CEP63: variants seen among roughly 807,000 people sequenced by gnomAD.
CEP63 encodes centrosomal protein 63.
Under a neutral mutation model 89.1 loss-of-function variants are expected in CEP63, and 84 were observed. The observed-to-expected ratio is 0.94, with a 90% CI of 0.79 to 1.13. The LOEUF (loss-of-function observed/expected upper bound fraction) is 1.13. Ranked by LOEUF, CEP63 falls within the 50% of genes most tolerant of loss-of-function variation. The pLI is 0.00. For missense variants in CEP63, 838 were observed against 813.3 expected, an observed-to-expected ratio of 1.03 and a Z score of -0.37; for synonymous variants, 267 against 272.5, an observed-to-expected ratio of 0.98 and a Z score of 0.20.
At chr3:134,715,561 G>T in the CEP63 span, among the ~76,000 whole-genome samples, 1 of 147,884 alleles carries the variant, frequency 6.8e-6, no homozygotes, top group South Asian at 2.1e-4. Flanking sequence ...TCTAGACTGG[G>T]TTGGGAGGCA....
At chr3:134,629,034 C>CGG in the CEP63 span, among the ~76,000 whole-genome samples, 1 of 152,016 alleles carries the variant, frequency 6.6e-6, no homozygotes, top group Non-Finnish European at 1.5e-5. Context: ...CCATAAGGTG[C>CGG]ACAGATGCAG....
At chr3:134,659,331 T>C in the CEP63 span, among the ~76,000 whole-genome samples, 1 of 152,350 alleles carries the variant, frequency 6.6e-6, no homozygotes, top group South Asian at 2.1e-4. Flanking sequence ...AGGTGTCCTC[T>C]GCAGGTGAGG....
the CEP63 span, among the ~76,000 whole-genome samples, chr3:134,645,217 G>A: frequency 6.6e-6 from 1 of 152,202 alleles, no homozygotes; most frequent in African/African-American, 2.4e-5. Flanking sequence ...CAAGCTATTG[G>A]GGTGGGGTAG....
At chr3:134,663,758 C>G in the CEP63 span, among the ~76,000 whole-genome samples, 1 of 152,208 alleles carries the variant, frequency 6.6e-6, no homozygotes, top group African/African-American at 2.4e-5. Context: ...TGCACCAGGC[C>G]TGAGTTACCT....
At chr3:134,689,189 T>C in the CEP63 span, among the ~76,000 whole-genome samples, 1 of 152,124 alleles carries the variant, frequency 6.6e-6, no homozygotes, top group Non-Finnish European at 1.5e-5. Flanking sequence ...AACACAGTGC[T>C]TTCTCTTCGG....
At chr3:134,663,697 C>T in the CEP63 span, among the ~76,000 whole-genome samples, 2 of 95,196 alleles carry the variant, frequency 2.1e-5, no homozygotes, top group South Asian at 5.1e-4. Context: ...CCCTGGCATG[C>T]GGGGCCCCAG....
chr3:134,609,695 G>A, the CEP63 span, among the ~76,000 whole-genome samples: 1 of 152,100 alleles, frequency 6.6e-6, no homozygotes, highest in East Asian at 1.9e-4. Context: ...CAGTGACCCT[G>A]CACCGCCAAT....
chr3:134,694,941 G>T, the CEP63 span, among the ~76,000 whole-genome samples: 1 of 152,224 alleles, frequency 6.6e-6, no homozygotes, highest in African/African-American at 2.4e-5. Flanking sequence ...GCATGTAAGG[G>T]TTTCCAGCAC....
the CEP63 span, among the ~76,000 whole-genome samples, chr3:134,722,792 A>G: frequency 1.3e-5 from 2 of 152,150 alleles, no homozygotes; most frequent in South Asian, 4.1e-4. Flanking sequence ...GCCTGTTGAT[A>G]CCAATTTGAA....
At chr3:134,537,946 CA>C (rs1577176010) in intron 6 of CEP63, among the ~76,000 whole-genome samples, 1 of 151,904 alleles carries the variant, frequency 6.6e-6, no homozygotes, top group Non-Finnish European at 1.5e-5. Context: ...TAAGCAAAAC[CA>C]AAAAACAGAC....
At chr3:134,499,526 TTTG>T (rs1363902558) in intron 2 of CEP63, among the ~76,000 whole-genome samples, 3 of 152,202 alleles carry the variant, frequency 2.0e-5, no homozygotes, top group Admixed American at 6.5e-5. Context: ...TGATCTGATC[TTTG>T]TTATTTTTTT....
Position 134,562,083 on chromosome 3 carries a change from A to T in CEP63, c.*548A>T. The stretch of plus-strand genomic sequence containing the variant: ...GAATAAGGGGGGGGTGTGCTAAAGA[A>T]CCTTATCAAGCAGTCCTCTCTTGCT... On this transcript the variant is annotated 3_prime_UTR_variant, in exon 15 of 15. Transcript: ENST00000675561. 1.0e-6 allele frequency: 1 copy of T among 993,774 alleles called. No homozygotes were observed. The highest frequency in any genetic ancestry group is 1.2e-6 in the Non-Finnish European group (1 of 835,080). 61.6% of individuals were successfully genotyped at this position (993,774 alleles called of 1,614,324 possible).
intron 3 of CEP63, among the ~76,000 whole-genome samples, chr3:134,530,737 A>G (rs1300070459): frequency 1.3e-5 from 2 of 152,072 alleles, no homozygotes; most frequent in Non-Finnish European, 2.9e-5. Flanking sequence ...CCATTCTTCC[A>G]GTTTGAACTT....
the CEP63 span, among the ~76,000 whole-genome samples, chr3:134,716,944 C>G: frequency 8.1e-4 from 123 of 152,294 alleles, no homozygotes; most frequent in African/African-American, 2.7e-3. Context: ...CACCACCTTC[C>G]AAAGGTGCTG....
chr3:134,779,817 T>C, the CEP63 span: 3 of 152,214 alleles, frequency 2.0e-5, no homozygotes, highest in African/African-American at 7.2e-5. Flanking sequence ...TGAAGGACCG[T>C]GAGGATCAAA....
At chr3:134,612,771 G>A in the CEP63 span, among the ~76,000 whole-genome samples, 1 of 150,540 alleles carries the variant, frequency 6.6e-6, no homozygotes, top group Non-Finnish European at 1.5e-5. Flanking sequence ...GTGTGTGTGT[G>A]TGTGTGTGTG....
chr3:134,782,336 T>C, the CEP63 span, among the ~76,000 whole-genome samples: 1 of 152,212 alleles, frequency 6.6e-6, no homozygotes, highest in East Asian at 1.9e-4. Context: ...GGGTAGATTT[T>C]TAATTACTGA....
At chr3:134,749,045 C>T in the CEP63 span, among the ~76,000 whole-genome samples, 1 of 152,122 alleles carries the variant, frequency 6.6e-6, no homozygotes, top group Non-Finnish European at 1.5e-5. Flanking sequence ...GAGGAGGACT[C>T]AGGACTCAGA....
the CEP63 span, among the ~76,000 whole-genome samples, chr3:134,721,222 A>T: frequency 8.0e-4 from 122 of 151,854 alleles, 2 homozygotes; most frequent in East Asian, 0.012. Context: ...CTAAGTATTT[A>T]TTCTTTTTGG....
Sources: allele counts gnomAD v4.1 joint callset (sites outside exome capture counted in the v4.1 genomes callset), GRCh38; gene constraint gnomAD v4.1.1; transcripts MANE v1.5; gene names NCBI Gene and HGNC (gene_info 2026-07-23, HGNC 2026-07-21).